ARHGAP32: variants seen among roughly 807,000 people sequenced by gnomAD.
ARHGAP32 encodes the protein Rho GTPase activating protein 32, also known as rho GTPase-activating protein 32.
In ARHGAP32, 51 loss-of-function variants were observed where a neutral mutation model predicts 186.5. The observed-to-expected ratio is 0.27, with a 90% CI of 0.22 to 0.35. The LOEUF is 0.35. Among genes scored for constraint, ARHGAP32 ranks in the 10% least tolerant of loss-of-function variants. The probability of loss-of-function intolerance (pLI) is 1.00; values close to 1 mark genes in which losing one functional copy is unlikely to be tolerated. For synonymous variants in ARHGAP32, 950 were observed against 964.3 expected (o/e 0.99, Z 0.27); for missense variants, 2,186 against 2,623.5 (o/e 0.83, Z 3.64).
intron 1 of ARHGAP32, among the ~76,000 whole-genome samples, chr11:129,200,107 C>T (rs1243147101): frequency 6.6e-6 from 1 of 152,120 alleles, no homozygotes; most frequent in South Asian, 2.1e-4. Flanking sequence ...CCTGTACCCC[C>T]CATTGTATCT....
intron 2 of ARHGAP32, among the ~76,000 whole-genome samples, chr11:129,152,617 A>T (rs1943313038): frequency 6.6e-6 from 1 of 152,190 alleles, no homozygotes; most frequent in African/African-American, 2.4e-5. Flanking sequence ...CCACATACAC[A>T]AAATTTATAA....
rs756522406 is a variant in ARHGAP32, at chr11:128,974,652, C to A, written c.2545G>T (p.Asp849Tyr). ...CATTGGCTACTACCTGTTTCTGCAT[C>A]CTTTTTATTGGCACTTGGTTTATCC... ...SKDKPSANKKDAETGSSQCQT... is the reference protein window; with the variant it reads ...SKDKPSANKKYAETGSSQCQT... The change falls in exon 21 of 23, where the codon GAT becomes TAT. Residue 849 changes from aspartate to tyrosine, a missense_variant. Physicochemically the swap from Asp to Tyr is radical, Grantham distance 160. Transcript: ENST00000682385. The A allele has an allele frequency of 6.2e-7, 1 of 1,614,180 alleles. No individual in the cohort carries two copies. Among genetic ancestry groups the A allele is most frequent in the Non-Finnish European group, 8.5e-7 (1 of 1,180,038 alleles).
chr11:129,079,799 A>G (rs1210550616), intron 6 of ARHGAP32, among the ~76,000 whole-genome samples: 1 of 152,190 alleles, frequency 6.6e-6, no homozygotes, highest in African/African-American at 2.4e-5. Flanking sequence ...CACCTAAAAG[A>G]TACAGAACAC....
intron 1 of ARHGAP32, among the ~76,000 whole-genome samples, chr11:129,262,729 G>A (rs1407209532): frequency 1.3e-5 from 2 of 151,832 alleles, no homozygotes; most frequent in Admixed American, 6.6e-5. Flanking sequence ...TTTCAAAGTC[G>A]TTTTATAAGG....
intron 11 of ARHGAP32, among the ~76,000 whole-genome samples, chr11:129,015,246 AG>A (rs1034046884): frequency 6.6e-6 from 1 of 152,192 alleles, no homozygotes; most frequent in Non-Finnish European, 1.5e-5. Context: ...GACCAGTTTT[AG>A]GATACACTAA....
chr11:129,086,414 GAAAAAGATAA>G (rs1251745584), intron 6 of ARHGAP32, among the ~76,000 whole-genome samples: 1 of 152,176 alleles, frequency 6.6e-6, no homozygotes, highest in African/African-American at 2.4e-5. Flanking sequence ...CATGATCCAT[GAAAAAGATAA>G]ATAATAATCT....
intron 6 of ARHGAP32, among the ~76,000 whole-genome samples, chr11:129,084,016 T>A (rs1941303595): frequency 6.6e-6 from 1 of 151,016 alleles, no homozygotes; most frequent in African/African-American, 2.5e-5. Flanking sequence ...AAAAGGACAA[T>A]AAAAAATATT....
rs760311247 is a variant in ARHGAP32 at position 128,985,858 on chromosome 11, G to GTGTGTATATATA, written c.1526+144_1526+145insTATATATACACA. 494 of 95,918 alleles carry GTGTGTATATATA rather than the reference G, an allele frequency of 5.2e-3. 3 individuals are homozygous for GTGTGTATATATA. Among genetic ancestry groups the GTGTGTATATATA allele is most frequent in the East Asian group, 0.016 (51 of 3,114 alleles). The allele number at this position is 95,918 out of a possible 1,614,324, so 5.9% of individuals were successfully genotyped here. On this transcript the variant is annotated intron_variant, in intron 15 of 22. Coordinates refer to ENST00000682385, the MANE Select transcript of ARHGAP32 (RefSeq NM_001378024.1). ...TGTGTGTGTGTGTGTGTGTGTGTGTGTATATATATATATATATATATATAT... is the reference window on the plus strand; with the variant it reads ...TGTGTGTGTGTGTGTGTGTGTGTGTGTGTGTATATATATATATATATATATATATATATATAT...
chr11:129,209,537 T>G (rs1463591705), intron 1 of ARHGAP32, among the ~76,000 whole-genome samples: 1 of 152,062 alleles, frequency 6.6e-6, no homozygotes, highest in Non-Finnish European at 1.5e-5. Flanking sequence ...TTACTGCACA[T>G]GCCTTGACAG....
intron 1 of ARHGAP32, among the ~76,000 whole-genome samples, chr11:129,242,452 C>T (rs111871335): frequency 0.014 from 2,111 of 152,278 alleles, 53 homozygotes; most frequent in African/African-American, 0.048. Flanking sequence ...GGTGCAGTGG[C>T]TCACTCCTGT....
At chr11:129,165,993 G>T (rs1023652784) in intron 1 of ARHGAP32, among the ~76,000 whole-genome samples, 1 of 151,964 alleles carries the variant, frequency 6.6e-6, no homozygotes, top group East Asian at 1.9e-4. Flanking sequence ...ATGTTCAATT[G>T]AATGAAAGTA....
At chr11:129,067,806 GC>G (rs1260329330) in intron 6 of ARHGAP32, among the ~76,000 whole-genome samples, 1 of 152,080 alleles carries the variant, frequency 6.6e-6, no homozygotes, top group African/African-American at 2.4e-5. Flanking sequence ...GACAACTGGA[GC>G]AGAAACAGAG....
At chr11:129,213,859 A>G (rs1667143850) in intron 1 of ARHGAP32, among the ~76,000 whole-genome samples, 1 of 144,894 alleles carries the variant, frequency 6.9e-6, no homozygotes, top group African/African-American at 2.5e-5. Context: ...AAGGAGAATA[A>G]ATAGTTTTGT....
chr11:129,251,486 A>G (rs2135690836), intron 1 of ARHGAP32, among the ~76,000 whole-genome samples: 1 of 152,334 alleles, frequency 6.6e-6, no homozygotes, highest in Non-Finnish European at 1.5e-5. Flanking sequence ...CTTAAGCTCA[A>G]TGTTTAAGTG....
At chr11:129,120,172 T>C (rs1942485473) in intron 5 of ARHGAP32, among the ~76,000 whole-genome samples, 1 of 152,052 alleles carries the variant, frequency 6.6e-6, no homozygotes, top group Non-Finnish European at 1.5e-5. Context: ...CTGGATTTAT[T>C]TTAAAGATGG....
At chr11:129,231,109 G>C (rs1042698275) in intron 1 of ARHGAP32, among the ~76,000 whole-genome samples, 2 of 152,044 alleles carry the variant, frequency 1.3e-5, no homozygotes, top group African/African-American at 4.8e-5. Context: ...ACTCCAGCCT[G>C]GGCAACAGAG....
chr11:129,112,715 G>A (rs944551384), intron 5 of ARHGAP32, among the ~76,000 whole-genome samples: 5 of 152,002 alleles, frequency 3.3e-5, no homozygotes, highest in African/African-American at 1.2e-4. Flanking sequence ...TCCTTTGCTG[G>A]CATTAAATTC....
At chr11:129,004,245 CTTTTTTTTT>C (rs71057919) in intron 11 of ARHGAP32, among the ~76,000 whole-genome samples, 2 of 116,384 alleles carry the variant, frequency 1.7e-5, no homozygotes, top group African/African-American at 6.6e-5. Flanking sequence ...CAATGCTTTC[CTTTTTTTTT>C]TTTTTTTTTT....
At chr11:129,177,969 G>C (rs1270265006) in intron 1 of ARHGAP32, among the ~76,000 whole-genome samples, 6 of 151,960 alleles carry the variant, frequency 3.9e-5, no homozygotes, top group Admixed American at 1.3e-4. Context: ...AGGAAATAAA[G>C]GGTATTCAAT....
Sources: allele counts gnomAD v4.1 joint callset (sites outside exome capture counted in the v4.1 genomes callset), GRCh38; gene constraint gnomAD v4.1.1; transcripts MANE v1.5; gene names NCBI Gene and HGNC (gene_info 2026-07-23, HGNC 2026-07-21).